RABGAP1L: variants seen among roughly 807,000 people sequenced by gnomAD.
The protein encoded by RABGAP1L is rab GTPase-activating protein 1-like.
A neutral mutation model predicts 137.7 loss-of-function variants in RABGAP1L; 63 were observed. That is an observed-to-expected ratio of 0.46 (90% confidence interval 0.37 to 0.56). The LOEUF (loss-of-function observed/expected upper bound fraction) is 0.56, where lower values mean the gene tolerates loss of function less well. Among genes scored for constraint, RABGAP1L ranks in the 20% least tolerant of loss-of-function variants. The pLI is 0.00. For missense variants in RABGAP1L, 1,095 were observed against 1,244.0 expected (o/e 0.88, Z 1.80); for synonymous variants, 431 against 433.7 (o/e 0.99, Z 0.08).
At chr1:174,943,512 A>G (rs911481946) in intron 19 of RABGAP1L, among the ~76,000 whole-genome samples, 13 of 152,154 alleles carry the variant, frequency 8.5e-5, no homozygotes, top group Non-Finnish European at 1.8e-4. Context: ...TAAATACAGT[A>G]TTTATTTATA....
At chr1:174,290,726 C>G (rs971464135) in intron 10 of RABGAP1L, among the ~76,000 whole-genome samples, 2 of 150,308 alleles carry the variant, frequency 1.3e-5, no homozygotes, top group African/African-American at 4.9e-5. Flanking sequence ...GCCATATTTC[C>G]CGCAACTTTG....
At chr1:174,393,894 C>A in intron 12 of RABGAP1L, 101 bp from the exon 13 acceptor site, 1 of 1,348,336 alleles carries the variant, frequency 7.4e-7, no homozygotes, top group East Asian at 2.4e-5. Context: ...TTTCTCTTGA[C>A]CCAAGCTTAC....
Position 174,358,979 on chromosome 1 carries a change from A to AG in RABGAP1L, c.1466-11994dup, listed in dbSNP as rs201405649. On this transcript the variant is annotated intron_variant, in intron 11 of 25. Transcript: ENST00000681986. The stretch of plus-strand genomic sequence containing the variant: ...CTAAGTGCTATGATGGTATGGGCCT[A>AG]GGGGGGCAGTATTTAACCCAGCCAG... Among the ~76,000 whole-genome samples the AG allele has an allele frequency of 7.3e-4, 111 of 152,282 alleles. No individual in the cohort carries two copies. The East Asian group carries it at 0.019, about 26-fold the overall frequency.
intron 7 of RABGAP1L, among the ~76,000 whole-genome samples, chr1:174,270,034 A>T (rs1468741934): frequency 6.6e-6 from 1 of 152,192 alleles, no homozygotes; most frequent in Non-Finnish European, 1.5e-5. Context: ...TGCTTTAATG[A>T]AGTGTAATTT....
intron 14 of RABGAP1L, among the ~76,000 whole-genome samples, chr1:174,665,523 T>C (rs1676731559): frequency 6.9e-6 from 1 of 145,220 alleles, no homozygotes; most frequent in South Asian, 2.5e-4. Flanking sequence ...TGGCATGATC[T>C]CAGCTCACCG....
chr1:174,530,401 G>T (rs1446498031), intron 13 of RABGAP1L, among the ~76,000 whole-genome samples: 2 of 152,124 alleles, frequency 1.3e-5, no homozygotes, highest in African/African-American at 4.8e-5. Flanking sequence ...GTCTCAGGGA[G>T]TGTGTAGGAC....
intron 13 of RABGAP1L, among the ~76,000 whole-genome samples, chr1:174,544,367 C>G (rs878972515): frequency 1.3e-5 from 2 of 152,140 alleles, no homozygotes; most frequent in Non-Finnish European, 2.9e-5. Context: ...CACTGATACC[C>G]TTTCTTCCAC....
chr1:174,429,863 C>T (rs1652404061), intron 13 of RABGAP1L, among the ~76,000 whole-genome samples: 1 of 151,954 alleles, frequency 6.6e-6, no homozygotes, highest in African/African-American at 2.4e-5. Context: ...GGTCTGTTTC[C>T]AGCCATTTCC....
chr1:174,925,857 TG>T (rs1300759048), intron 19 of RABGAP1L, among the ~76,000 whole-genome samples: 8 of 88,196 alleles, frequency 9.1e-5, no homozygotes, highest in African/African-American at 8.3e-4. Flanking sequence ...GGTTTGTTGT[TG>T]GTTTTTTTTT....
rs151028020 is a variant in RABGAP1L at position 174,558,747 on chromosome 1, G to A, written c.1711-78628G>A. ...GAAAAGTTACTAGTACCATGGTGTT[G>A]GGAGGTTCATTCCCGTGGGCATTAT... On this transcript the variant is annotated intron_variant, in intron 13 of 25. Coordinates refer to ENST00000681986, the MANE Select transcript of RABGAP1L (RefSeq NM_001366446.1). 3.3e-3 allele frequency among the ~76,000 whole-genome samples: 508 copies of A among 152,234 alleles called. 2 individuals carry two copies. The highest frequency in any genetic ancestry group is 0.012 in the African/African-American group (493 of 41,542).
chr1:174,162,775 C>T (rs1043600593), intron 1 of RABGAP1L, among the ~76,000 whole-genome samples: 809 of 22,484 alleles, frequency 0.036, no homozygotes, highest in East Asian at 0.045. Flanking sequence ...TTTTCTCTTT[C>T]TGTTTTTTTT....
intron 13 of RABGAP1L, among the ~76,000 whole-genome samples, chr1:174,485,525 T>A (rs1310360872): frequency 6.6e-6 from 1 of 152,142 alleles, no homozygotes; most frequent in Non-Finnish European, 1.5e-5. Flanking sequence ...CTATCCCCAG[T>A]TTTTGGAGGG....
intron 13 of RABGAP1L, among the ~76,000 whole-genome samples, chr1:174,577,597 T>C (rs1479727033): frequency 6.6e-6 from 1 of 152,120 alleles, no homozygotes; most frequent in Non-Finnish European, 1.5e-5. Context: ...GGAAATAATA[T>C]GGCCAGTAAT....
chr1:174,971,030 T>C (rs1293256950), intron 21 of RABGAP1L, among the ~76,000 whole-genome samples: 2 of 151,940 alleles, frequency 1.3e-5, no homozygotes, highest in African/African-American at 4.8e-5. Flanking sequence ...GGGACCATAG[T>C]ATACCTAGAT....
rs1406666730 is a variant in RABGAP1L at position 174,195,706 on chromosome 1, TTC to T, written c.-33-23417_-33-23416del. ...CTTCTTTCCTTCTTTCCTTCTTTCC[TTC>T]TTTCTTTTCTTTCTTTTCTTTCTTT... On this transcript the variant is annotated intron_variant, in intron 1 of 25. Coordinates refer to ENST00000681986, the MANE Select transcript of RABGAP1L (RefSeq NM_001366446.1). Among the ~76,000 whole-genome samples the T allele has an allele frequency of 7.4e-3, 848 of 114,230 alleles. 25 individuals carry two copies. Among genetic ancestry groups the T allele is most frequent in the African/African-American group, 0.031 (814 of 26,162 alleles). 74.9% of individuals were successfully genotyped at this position (114,230 alleles called of 152,430 possible).
chr1:174,570,565 A>G (rs952530838), intron 13 of RABGAP1L, among the ~76,000 whole-genome samples: 2 of 152,190 alleles, frequency 1.3e-5, no homozygotes, highest in African/African-American at 4.8e-5. Flanking sequence ...ACTGTTAGGT[A>G]CTATGCTTAC....
chr1:174,892,685 G>A lies in RABGAP1L; in HGVS notation c.2341-64772G>A, dbSNP rs528901748. 1.7e-4 allele frequency: 89 copies of A among 526,578 alleles called. 1 individual carries two copies. The highest frequency in any genetic ancestry group is 1.1e-3 in the South Asian group (75 of 70,292). The allele number at this position is 526,578 out of a possible 1,614,324, so 32.6% of individuals were successfully genotyped here. On this transcript the variant is annotated intron_variant, in intron 19 of 25. Transcript: ENST00000681986. Reference sequence around the variant, plus strand: ...TTGGGATGGTCCATCACTTGCAAACGTGAATATTGCTATTGCTTCAGGCTA... The same window carrying A: ...TTGGGATGGTCCATCACTTGCAAACATGAATATTGCTATTGCTTCAGGCTA...
chr1:174,231,189 G>A lies in RABGAP1L; in HGVS notation c.376G>A (p.Glu126Lys). 1 of 1,613,714 alleles carries A rather than the reference G, an allele frequency of 6.2e-7. No homozygotes were observed. Among genetic ancestry groups the A allele is most frequent in the Non-Finnish European group, 8.5e-7 (1 of 1,179,796 alleles). The change falls in exon 4 of 26, where the codon GAA becomes AAA. Residue 126 changes from glutamate to lysine, a missense_variant. By Grantham distance (56) the Glu-to-Lys change is moderately conservative. This residue lies in a region of RABGAP1L where 356 missense variants were observed against 326.3 expected (regional missense o/e 1.09). Coordinates refer to ENST00000681986, the MANE Select transcript of RABGAP1L (RefSeq NM_001366446.1). ...RPSSPGGLPE[E>K]DSVLFNKLTY... ...ATCTTCTCCAGGTGGACTACCTGAA[G>A]AAGATAGTGTTTTATTTAATAAACT...
rs1199711330 is a variant in RABGAP1L, at chr1:174,832,896, TC to T, written c.2340+20938del. Among the ~76,000 whole-genome samples, 3 of 152,210 alleles carry T rather than the reference TC, an allele frequency of 2.0e-5. No individual in the cohort carries two copies. In the East Asian group the frequency reaches 5.8e-4, roughly 29 times the overall value. ...ACCACCATAGCAATAATGTCCTGCT[TC>T]CTTGTATGCCTGGCATGTTTATCAT... On this transcript the variant is annotated intron_variant, in intron 19 of 25. Transcript: ENST00000681986.
Sources: gnomAD v4.1 joint callset for allele counts (sites outside exome capture counted in the v4.1 genomes callset) on GRCh38, gnomAD v4.1.1 for gene constraint, gnomAD v4.1.1 regional missense constraint, MANE v1.5 for transcripts, NCBI Gene and HGNC (gene_info 2026-07-23, HGNC 2026-07-21) for gene names.